Variants in MRPS35 observed in about 807,000 individuals in gnomAD.
MRPS35 encodes mitochondrial ribosomal protein S35, also known as small ribosomal subunit protein mS35.
Under a neutral mutation model 32.7 loss-of-function variants are expected in MRPS35, and 29 were observed. The ratio of observed to expected loss-of-function variants is 0.89; its 90% CI spans 0.66 to 1.21. The LOEUF (loss-of-function observed/expected upper bound fraction) is 1.21. Ranked by LOEUF, MRPS35 falls within the 50% of genes most tolerant of loss-of-function variation. MRPS35 has a pLI of 0.00. For missense variants in MRPS35, 373 were observed against 383.8 expected (o/e 0.97, Z 0.23); for synonymous variants, 148 against 139.3 (o/e 1.06, Z -0.44).
intron 3 of MRPS35, among the ~76,000 whole-genome samples, chr12:27,719,227 C>T (rs2061863179): frequency 6.6e-6 from 1 of 152,048 alleles, no homozygotes; most frequent in South Asian, 2.1e-4. Context: ...TCATGATTGT[C>T]ATTATAAGAT....
intron 5 of MRPS35, among the ~76,000 whole-genome samples, chr12:27,729,308 G>GCA (rs2061912173): frequency 6.6e-6 from 1 of 152,074 alleles, no homozygotes; most frequent in Non-Finnish European, 1.5e-5. Flanking sequence ...GTGGACAGTG[G>GCA]TGTTTACAGA....
At chr12:27,711,381 C>T (rs908848925) in intron 1 of MRPS35, among the ~76,000 whole-genome samples, 12 of 152,198 alleles carry the variant, frequency 7.9e-5, no homozygotes, top group African/African-American at 2.9e-4. Flanking sequence ...AAATGGGCGG[C>T]CTTCATTCAA....
chr12:27,714,634 CAAAAAA>C (rs531429538), intron 1 of MRPS35, 140 bp from the exon 2 acceptor site: 13 of 357,582 alleles, frequency 3.6e-5, no homozygotes, highest in Admixed American at 2.0e-4. Flanking sequence ...CTGAGCTTAC[CAAAAAA>C]AAAAAAAAAA....
In MRPS35 at chr12:27,746,275, G is replaced by A. The variant is rs553191988; in HGVS notation, c.702+8667G>A. ...ACAGTTTTTGTACATGTAAGTTTGA[G>A]TATCCCTAATTTGAAAATCTGGTAT... On this transcript the variant is annotated intron_variant, in intron 7 of 7. Coordinates refer to ENST00000081029, the MANE Select transcript of MRPS35 (RefSeq NM_021821.4). Among the ~76,000 whole-genome samples the A allele has an allele frequency of 3.3e-5, 5 of 152,182 alleles. No individual in the cohort carries two copies. In the East Asian group the frequency reaches 9.7e-4, roughly 29 times the overall value.
intron 1 of MRPS35, among the ~76,000 whole-genome samples, chr12:27,712,406 T>C (rs1178637827): frequency 6.6e-6 from 1 of 152,210 alleles, no homozygotes; most frequent in Non-Finnish European, 1.5e-5. Context: ...AGGGAACTGA[T>C]ATAATGTGAT....
At chr12:27,734,787 T>C (rs2061936701) in intron 5 of MRPS35, among the ~76,000 whole-genome samples, 1 of 152,184 alleles carries the variant, frequency 6.6e-6, no homozygotes, top group Non-Finnish European at 1.5e-5. Context: ...TTCTAAAAAA[T>C]GCTACCTTAA....
At position 27,716,292 on chromosome 12, in the gene MRPS35, C is replaced by T; in HGVS notation, c.155C>T (p.Ala52Val). The change falls in exon 3 of 8, where the codon GCA (alanine) becomes GTA (valine). Residue 52 changes from alanine to valine, a missense_variant and splice_region_variant. Transcript: ENST00000081029. ...PGNERPPRRK[A>V]LPPRTEKMAV... is the part of the protein sequence containing the mutation. The stretch of plus-strand genomic sequence containing the variant: ...ACTAAACGATTTTATATTTCTTAGG[C>T]ACTACCTCCTAGGACAGAGAAAATG... The T allele has an allele frequency of 6.4e-6, 10 of 1,565,068 alleles. No homozygotes were observed. The highest frequency in any genetic ancestry group is 8.6e-6 in the Non-Finnish European group (10 of 1,160,102).
At chr12:27,740,115 T>C (rs2061958200) in intron 7 of MRPS35, among the ~76,000 whole-genome samples, 1 of 152,216 alleles carries the variant, frequency 6.6e-6, no homozygotes, top group Non-Finnish European at 1.5e-5. Context: ...TGAATTGAAA[T>C]TCATTTTCCC....
chr12:27,755,147 A>G (rs1441962518), intron 7 of MRPS35, 34 bp from the exon 8 acceptor site: 5 of 1,491,850 alleles, frequency 3.4e-6, no homozygotes, highest in Non-Finnish European at 4.5e-6. Flanking sequence ...CTCAGAATTC[A>G]GAACTCATTT....
At chr12:27,728,790 C>T (rs1219212946) in intron 5 of MRPS35, among the ~76,000 whole-genome samples, 1 of 152,064 alleles carries the variant, frequency 6.6e-6, no homozygotes, top group Non-Finnish European at 1.5e-5. Context: ...CTGAATTTGC[C>T]CCATTGCATC....
intron 3 of MRPS35, among the ~76,000 whole-genome samples, chr12:27,719,380 AC>A (rs763045310): frequency 7.2e-5 from 11 of 152,326 alleles, no homozygotes; most frequent in Non-Finnish European, 1.6e-4. Flanking sequence ...TTGTAAAAAA[AC>A]AGATTTTGGG....
chr12:27,728,333 A>G (rs1378650715), intron 5 of MRPS35, among the ~76,000 whole-genome samples: 1 of 152,120 alleles, frequency 6.6e-6, no homozygotes, highest in Non-Finnish European at 1.5e-5. Context: ...AGAGGCTAAT[A>G]TAATAAATAC....
intron 5 of MRPS35, among the ~76,000 whole-genome samples, chr12:27,726,960 CTTT>C (rs140813983): frequency 1.1e-4 from 14 of 123,256 alleles, no homozygotes; most frequent in African/African-American, 3.7e-4. Context: ...TGATGATGTC[CTTT>C]TTTTTTTTTT....
chr12:27,733,750 A>T (rs1467755034), intron 5 of MRPS35, among the ~76,000 whole-genome samples: 2 of 152,182 alleles, frequency 1.3e-5, no homozygotes, highest in Non-Finnish European at 2.9e-5. Context: ...TTTCCAGAAA[A>T]CTGTGGTGAT....
chr12:27,744,090 T>C (rs2061973252), intron 7 of MRPS35, among the ~76,000 whole-genome samples: 1 of 152,274 alleles, frequency 6.6e-6, no homozygotes, highest in African/African-American at 2.4e-5. Context: ...TGACTTCTGC[T>C]TTGTATAGAT....
At chr12:27,739,053 C>T (rs1445894309) in intron 7 of MRPS35, among the ~76,000 whole-genome samples, 1 of 152,112 alleles carries the variant, frequency 6.6e-6, no homozygotes, top group Non-Finnish European at 1.5e-5. Flanking sequence ...TGCACCACTA[C>T]CGCCTGGCTA....
intron 7 of MRPS35, among the ~76,000 whole-genome samples, chr12:27,753,483 C>T (rs375255623): frequency 6.6e-5 from 10 of 152,042 alleles, no homozygotes; most frequent in South Asian, 6.3e-4. Context: ...GAGGGTGGCA[C>T]GGGTGGAAAC....
rs533610336 is a variant in MRPS35 at position 27,740,242 on chromosome 12, A to C, written c.702+2634A>C. ...TTATAGGCTAGCTTCTGAGCATTTAATACCCAAATATATGCTTCCTTTGGC... is the reference window on the plus strand; with the variant it reads ...TTATAGGCTAGCTTCTGAGCATTTACTACCCAAATATATGCTTCCTTTGGC... On this transcript the variant is annotated intron_variant, in intron 7 of 7. Coordinates refer to ENST00000081029, the MANE Select transcript of MRPS35 (RefSeq NM_021821.4). Among the ~76,000 whole-genome samples, 11 of 150,268 alleles carry C rather than the reference A, an allele frequency of 7.3e-5. No individual in the cohort carries two copies. The South Asian group carries it at 2.1e-3, about 29-fold the overall frequency.
At position 27,710,879 on chromosome 12, in the gene MRPS35, G is replaced by A; in HGVS notation, c.36G>A (p.Leu12=). Residue 12 remains leucine (L), a synonymous_variant, in exon 1 of 8, where the codon CTG becomes CTA. Coordinates refer to ENST00000081029, the MANE Select transcript of MRPS35 (RefSeq NM_021821.4). ...AAAALPAWLS[L]QSRARTLRAF... ...CCGCGCTCCCAGCATGGCTGTCTCT[G>A]CAGTCGAGGGCAAGGACTCTGCGTG... is the stretch of plus-strand genomic sequence containing the variant. 10 of 1,611,620 alleles carry A rather than the reference G, an allele frequency of 6.2e-6. No homozygotes were observed. The highest frequency in any genetic ancestry group is 8.5e-6 in the Non-Finnish European group (10 of 1,179,878).
Sources: gnomAD v4.1 joint callset for allele counts (sites outside exome capture counted in the v4.1 genomes callset) on GRCh38, gnomAD v4.1.1 for gene constraint, MANE v1.5 for transcripts, NCBI Gene and HGNC (gene_info 2026-07-23, HGNC 2026-07-21) for gene names.